The following CPT1A variants were observed in gnomAD, a reference collection of about 807,000 sequenced individuals.
CPT1A encodes carnitine palmitoyltransferase 1A, also known as carnitine O-palmitoyltransferase 1, liver isoform.
In CPT1A, 64 loss-of-function variants were observed where a neutral mutation model predicts 100.8. The observed-to-expected ratio is 0.63, with a 90% CI of 0.52 to 0.78. CPT1A has a LOEUF of 0.78. Ranked by LOEUF, CPT1A falls within the 30% of genes least tolerant of loss-of-function variation. The probability of loss-of-function intolerance (pLI) is 0.00; values close to 1 mark genes in which losing one functional copy is unlikely to be tolerated. For synonymous variants in CPT1A, 363 were observed against 396.0 expected, an observed-to-expected ratio of 0.92 and a Z score of 0.99; for missense variants, 802 against 1,034.1, an observed-to-expected ratio of 0.78 and a Z score of 3.08.
intron 5 of CPT1A, among the ~76,000 whole-genome samples, chr11:68,803,604 G>A (rs1001792044): frequency 2.6e-5 from 4 of 151,840 alleles, no homozygotes; most frequent in African/African-American, 7.3e-5. Flanking sequence ...CCAGCTACTC[G>A]GGAGGCTGGG....
chr11:68,780,007 C>T (rs1056464026), intron 12 of CPT1A, among the ~76,000 whole-genome samples: 5 of 152,114 alleles, frequency 3.3e-5, no homozygotes, highest in Admixed American at 6.6e-5. Context: ...GGAAATCCAG[C>T]ACATAAGGGA....
intron 14 of CPT1A, among the ~76,000 whole-genome samples, chr11:68,766,843 A>G (rs908913956): frequency 3.3e-5 from 5 of 151,090 alleles, no homozygotes. Context: ...AAAAAAAAAG[A>G]AAAGAAAAAG....
intron 14 of CPT1A, among the ~76,000 whole-genome samples, chr11:68,763,433 A>T (rs942274427): frequency 6.6e-6 from 1 of 152,172 alleles, no homozygotes; most frequent in Non-Finnish European, 1.5e-5. Context: ...ATTTAAAGAC[A>T]CAACGTATTG....
chr11:68,816,511 G>A, intron 1 of CPT1A, among the ~76,000 whole-genome samples: 1 of 152,126 alleles, frequency 6.6e-6, no homozygotes, highest in Non-Finnish European at 1.5e-5. Flanking sequence ...TTCCGGATCT[G>A]CTACATTCTT....
chr11:68,836,188 C>A (rs1239924647), intron 1 of CPT1A, among the ~76,000 whole-genome samples: 1 of 152,262 alleles, frequency 6.6e-6, no homozygotes, highest in East Asian at 1.9e-4. Context: ...TATAAAGAAA[C>A]CAGGAAGCCC....
chr11:68,794,827 G>A lies in CPT1A; in HGVS notation c.856C>T (p.Leu286=). ...ACTGGTTTGATTTCCTCCCGGTCCA[G>A]TTTGCGCCTGTAAAGCAGGATGGCA... The part of the protein sequence containing the change: ...IHAILLYRRK[L]DREEIKPIRL... Residue 286 remains leucine (L), a synonymous_variant, in exon 8 of 19, where the codon CTG becomes TTG. Coordinates refer to ENST00000265641, the MANE Select transcript of CPT1A (RefSeq NM_001876.4). The A allele has an allele frequency of 1.2e-6, 2 of 1,614,130 alleles. No individual in the cohort carries two copies. Among genetic ancestry groups the A allele is most frequent in the East Asian group, 2.2e-5 (1 of 44,884 alleles).
At chr11:68,759,231 T>C (rs1334516934) in intron 18 of CPT1A, among the ~76,000 whole-genome samples, 2 of 151,590 alleles carry the variant, frequency 1.3e-5, no homozygotes, top group African/African-American at 4.9e-5. Context: ...CTGTCTCTAC[T>C]AAAAATACAA....
intron 1 of CPT1A, among the ~76,000 whole-genome samples, chr11:68,817,753 G>T (rs1313047274): frequency 6.7e-6 from 1 of 149,206 alleles, no homozygotes; most frequent in South Asian, 2.2e-4. Flanking sequence ...AGGCTGTTGG[G>T]GGGGGGTCAG....
intron 14 of CPT1A, among the ~76,000 whole-genome samples, chr11:68,772,392 T>G (rs1855014869): frequency 6.6e-6 from 1 of 152,124 alleles, no homozygotes; most frequent in South Asian, 2.1e-4. Context: ...AATGCCACGA[T>G]GACTTGTGCT....
At chr11:68,818,890 A>G (rs111232523) in intron 1 of CPT1A, among the ~76,000 whole-genome samples, 1 of 151,968 alleles carries the variant, frequency 6.6e-6, no homozygotes, top group African/African-American at 2.4e-5. Context: ...CAGTATTTAC[A>G]TATTATTTAG....
In CPT1A at chr11:68,785,691, G is replaced by A. The variant is rs192649625; in HGVS notation, c.968-681C>T. On this transcript the variant is annotated intron_variant, in intron 9 of 18. Transcript: ENST00000265641. ...AGGTCATATGTTCCCCATATGCACT[G>A]TGCAAGAATTAAGAGACGATATCCG... 55 of 280,472 alleles carry A rather than the reference G, an allele frequency of 2.0e-4. No individual in the cohort carries two copies. The East Asian group carries it at 2.9e-3, about 15-fold the overall frequency. 17.4% of individuals were successfully genotyped at this position (280,472 alleles called of 1,614,324 possible).
rs1169962422 is a variant in CPT1A, at chr11:68,841,758, G to A, written c.-14+17C>T. The A allele has an allele frequency of 2.0e-6, 2 of 980,750 alleles. No individual in the cohort carries two copies. Among genetic ancestry groups the A allele is most frequent in the Non-Finnish European group, 1.2e-6 (1 of 825,748 alleles). 60.8% of individuals were successfully genotyped at this position (980,750 alleles called of 1,614,324 possible). A position where few individuals can be genotyped will look rare whatever the true frequency, so the allele number is the denominator to read the frequency against. On this transcript the variant is annotated intron_variant, in intron 1 of 18. Coordinates refer to ENST00000265641, the MANE Select transcript of CPT1A (RefSeq NM_001876.4). The surrounding 1 kb of genome is among the most constrained non-coding windows in gnomAD (Gnocchi z 6.3). ...GCCGCCCCGCCACCCTCCCCACCGC[G>A]GGCGACCGGGCCTCACCGAGTCAGC...
chr11:68,762,522 A>G, intron 15 of CPT1A, 105 bp downstream of exon 15: 5 of 1,422,992 alleles, frequency 3.5e-6, no homozygotes, highest in Non-Finnish European at 4.9e-6. Context: ...CCTAAAGAAG[A>G]AGGTACAGGA....
rs1946717520 is a variant in CPT1A at position 68,757,682 on chromosome 11, T to C, written c.2284A>G (p.Ile762Val). Residue 762 changes from isoleucine (I) to valine (V), a missense_variant, in exon 19 of 19, where the codon ATC (isoleucine) becomes GTC (valine). Transcript: ENST00000265641. ...RHLKEAMTDI[I>V]TLFGLSSNSK... ...TTAGAACTGAGACCAAACAAAGTGA[T>C]GATGTCAGTCATTGCTTCTTTCAGG... 1 of 1,614,210 alleles carries C rather than the reference T, an allele frequency of 6.2e-7. No individual in the cohort carries two copies. Among genetic ancestry groups the C allele is most frequent in the East Asian group, 2.2e-5 (1 of 44,890 alleles).
chr11:68,787,920 G>A (rs899674227), intron 9 of CPT1A, among the ~76,000 whole-genome samples: 13 of 148,900 alleles, frequency 8.7e-5, no homozygotes, highest in African/African-American at 3.2e-4. Flanking sequence ...TCCAGCCTGG[G>A]TGACAGAATG....
At chr11:68,776,677 G>A (rs1180978470) in intron 12 of CPT1A, among the ~76,000 whole-genome samples, 2 of 152,060 alleles carry the variant, frequency 1.3e-5, no homozygotes, top group Admixed American at 6.5e-5. Context: ...TCAGGAGTTC[G>A]AGACCAAGCT....
At chr11:68,810,194 A>G (rs1316578242) in intron 3 of CPT1A, among the ~76,000 whole-genome samples, 2 of 151,944 alleles carry the variant, frequency 1.3e-5, no homozygotes, top group East Asian at 1.9e-4. Flanking sequence ...AAAAAAAAGA[A>G]GATATTCATT....
intron 1 of CPT1A, among the ~76,000 whole-genome samples, chr11:68,826,473 G>T (rs1464238503): frequency 6.7e-6 from 1 of 150,228 alleles, no homozygotes; most frequent in African/African-American, 2.4e-5. Flanking sequence ...GGTGGCTCAC[G>T]CCTGTAATCC....
intron 3 of CPT1A, among the ~76,000 whole-genome samples, chr11:68,809,583 T>C (rs1035959573): frequency 1.3e-5 from 2 of 152,112 alleles, no homozygotes; most frequent in East Asian, 1.9e-4. Context: ...TCCTCCTGCC[T>C]CGGCCTCCCA....
Sources: gnomAD v4.1 joint callset for allele counts (sites outside exome capture counted in the v4.1 genomes callset) on GRCh38, gnomAD v4.1.1 for gene constraint, Gnocchi (gnomAD v3.1) non-coding constraint, MANE v1.5 for transcripts, NCBI Gene and HGNC (gene_info 2026-07-23, HGNC 2026-07-21) for gene names.